The following CCDC141 variants were observed in gnomAD, a reference collection of about 807,000 sequenced individuals.
CCDC141 encodes the protein coiled-coil domain containing 141, also known as coiled-coil domain-containing protein 141.
In CCDC141, 168 loss-of-function variants were observed where a neutral mutation model predicts 181.0. That is an observed-to-expected ratio of 0.93 (90% CI 0.82 to 1.05). CCDC141 has a LOEUF of 1.05. Ranked by LOEUF, CCDC141 falls within the 50% of genes least tolerant of loss-of-function variation. The probability of loss-of-function intolerance (pLI) is 0.00; values close to 1 mark genes in which losing one functional copy is unlikely to be tolerated. For synonymous variants in CCDC141, 666 were observed against 642.3 expected (o/e 1.04, Z -0.56); for missense variants, 1,902 against 1,788.5 (o/e 1.06, Z -1.14).
the CCDC141 span, among the ~76,000 whole-genome samples, chr2:178,815,500 A>G: frequency 6.6e-6 from 1 of 152,308 alleles, no homozygotes; most frequent in Non-Finnish European, 1.5e-5. Flanking sequence ...ATCATCTGTA[A>G]TGTGAATCTT....
intron 2 of CCDC141, among the ~76,000 whole-genome samples, chr2:179,020,621 G>A (rs2042668148): frequency 6.6e-6 from 1 of 152,122 alleles, no homozygotes; most frequent in Non-Finnish European, 1.5e-5. Context: ...ATAAACCTGA[G>A]CAAGTCCCTT....
At chr2:178,924,924 T>C (rs535109288) in intron 6 of CCDC141, among the ~76,000 whole-genome samples, 1 of 152,354 alleles carries the variant, frequency 6.6e-6, no homozygotes, top group East Asian at 1.9e-4. Flanking sequence ...TATTCCAAGC[T>C]TGTTAAGTAG....
intron 5 of CCDC141, among the ~76,000 whole-genome samples, chr2:178,952,565 T>C (rs1407930083): frequency 6.6e-6 from 1 of 152,198 alleles, no homozygotes; most frequent in East Asian, 1.9e-4. Context: ...TGCAGTGCCA[T>C]TGGAAGCAAT....
chr2:178,876,234 G>C (rs534966706), intron 12 of CCDC141: 1 of 152,210 alleles, frequency 6.6e-6, no homozygotes. Context: ...TCACATCCCA[G>C]GTACAGAGAA....
chr2:178,858,058 T>C (rs1023301779), intron 17 of CCDC141, among the ~76,000 whole-genome samples: 2 of 152,222 alleles, frequency 1.3e-5, no homozygotes, highest in South Asian at 2.1e-4. Flanking sequence ...TTAATCAGTG[T>C]TGTTTAGTTT....
chr2:178,918,582 C>G (rs1688552615), intron 7 of CCDC141, 131 bp downstream of exon 7: 1 of 641,778 alleles, frequency 1.6e-6, no homozygotes, highest in African/African-American at 1.8e-5. Context: ...TAAAAGCTCT[C>G]TTTGCTGCTA....
At chr2:178,951,070 G>A (rs577990656) in intron 5 of CCDC141, among the ~76,000 whole-genome samples, 205 of 152,166 alleles carry the variant, frequency 1.3e-3, no homozygotes, top group Non-Finnish European at 2.2e-3. Flanking sequence ...GATGTCTCTG[G>A]ACCTAAATTT....
At chr2:178,965,200 G>C (rs1333351174) in intron 4 of CCDC141, among the ~76,000 whole-genome samples, 1 of 152,144 alleles carries the variant, frequency 6.6e-6, no homozygotes. Flanking sequence ...GTTCCCCAGT[G>C]GGATGGTTTC....
At chr2:178,994,168 T>G (rs929076273) in intron 2 of CCDC141, among the ~76,000 whole-genome samples, 1 of 152,226 alleles carries the variant, frequency 6.6e-6, no homozygotes, top group African/African-American at 2.4e-5. Flanking sequence ...GTATTCTGTT[T>G]GTGGGCTCCA....
intron 3 of CCDC141, 119 bp downstream of exon 3, chr2:178,978,365 G>T: frequency 1.8e-6 from 1 of 555,616 alleles, no homozygotes; most frequent in Non-Finnish European, 2.8e-6. Context: ...TGTATGTTTT[G>T]GTTATTCTGC....
In CCDC141 at chr2:179,047,265, T is replaced by G; in HGVS notation, c.225+19A>C. On this transcript the variant is annotated intron_variant, in intron 2 of 23. Coordinates refer to ENST00000443758, the MANE Select transcript of CCDC141 (RefSeq NM_173648.4). The stretch of plus-strand genomic sequence containing the variant: ...ATGTCTCTTTAATTTTGTTTCTGCT[T>G]CACATCTTAGTATCTTACCTTGAGC... The G allele has an allele frequency of 1.3e-6, 2 of 1,503,968 alleles. No individual in the cohort carries two copies. Among genetic ancestry groups the G allele is most frequent in the Non-Finnish European group, 1.8e-6 (2 of 1,132,590 alleles). 93.2% of individuals were successfully genotyped at this position (1,503,968 alleles called of 1,614,324 possible). A position where few individuals can be genotyped will look rare whatever the true frequency, so the allele number is the denominator to read the frequency against.
intron 5 of CCDC141, among the ~76,000 whole-genome samples, chr2:178,945,021 C>T (rs547672051): frequency 7.1e-4 from 108 of 152,138 alleles, no homozygotes; most frequent in African/African-American, 2.4e-3. Flanking sequence ...AGTATAGTTA[C>T]GTAAACCCAT....
At position 178,871,678 on chromosome 2, in the gene CCDC141, C is replaced by T. The variant is rs1575153801; in HGVS notation, c.2080-126G>A. On this transcript the variant is annotated intron_variant, in intron 13 of 23. Transcript: ENST00000443758. ...CCCCATGAAAACACTCAGGATGTGG[C>T]ATGAGCTCAGGGTTCTAAACCACCA... The T allele has an allele frequency of 2.7e-6, 3 of 1,098,234 alleles. No individual in the cohort carries two copies. The East Asian group carries it at 7.3e-5, about 27-fold the overall frequency. The allele number at this position is 1,098,234 out of a possible 1,614,324, so 68.0% of individuals were successfully genotyped here.
At chr2:178,978,775 T>C (rs1691236571) in intron 2 of CCDC141, 100 bp from the exon 3 acceptor site, 1 of 889,980 alleles carries the variant, frequency 1.1e-6, no homozygotes, top group Admixed American at 3.6e-5. Context: ...GCATGTGGTC[T>C]AGGAAACAGA....
chr2:178,840,465 T>C (rs1408801348), intron 22 of CCDC141, among the ~76,000 whole-genome samples: 1 of 152,202 alleles, frequency 6.6e-6, no homozygotes, highest in African/African-American at 2.4e-5. Flanking sequence ...TCCCAACTCC[T>C]CAATCCCTGC....
intron 7 of CCDC141, among the ~76,000 whole-genome samples, chr2:178,914,997 A>G (rs1688378318): frequency 1.3e-5 from 2 of 152,238 alleles, no homozygotes; most frequent in African/African-American, 4.8e-5. Flanking sequence ...AGCCTGAGCA[A>G]CATGGCAAAA....
intron 14 of CCDC141, among the ~76,000 whole-genome samples, chr2:178,870,231 C>CAAAAAAAAAAAAAAAAAAAAAAAAAAAA (rs34625707): frequency 2.5e-4 from 15 of 60,288 alleles, no homozygotes; most frequent in Admixed American, 7.9e-4. Flanking sequence ...GACTCTGTCT[C>CAAAAAAAAAAAAAAAAAAAAAAAAAAAA]AAAAAAAAAA....
rs1404201609 is a variant in CCDC141, at chr2:178,837,243, CA to C, written c.3975del (p.Ser1325ArgfsTer19). Reference sequence around the variant, plus strand: ...TGCTGTAAAGCTCTCTCATGCACTTCACTCATCATGCTCTCTGGATGTTCAG... The same window carrying C: ...TGCTGTAAAGCTCTCTCATGCACTTCCTCATCATGCTCTCTGGATGTTCAG... ...ISAEHPESMM[S>X]EVHERALQQH... On this transcript the variant is annotated frameshift_variant, in exon 23 of 24. Coordinates refer to ENST00000443758, the MANE Select transcript of CCDC141 (RefSeq NM_173648.4). LOFTEE classifies it high-confidence loss of function. The C allele has an allele frequency of 2.5e-6, 4 of 1,614,094 alleles. No individual in the cohort carries two copies. Among genetic ancestry groups the C allele is most frequent in the Non-Finnish European group, 3.4e-6 (4 of 1,179,988 alleles).
rs756071545 is a variant in CCDC141 at position 178,855,432 on chromosome 2, T to A, written c.2975A>T (p.Lys992Ile). 1.2e-6 allele frequency: 2 copies of A among 1,612,132 alleles called. No homozygotes were observed. The highest frequency in any genetic ancestry group is 8.5e-7 in the Non-Finnish European group (1 of 1,179,294). The change falls in exon 19 of 24, where the codon AAA (lysine) becomes ATA (isoleucine). Residue 992 changes from lysine (K) to isoleucine (I), a missense_variant. Coordinates refer to ENST00000443758, the MANE Select transcript of CCDC141 (RefSeq NM_173648.4). Reference sequence around the variant, plus strand: ...AACTTTGTCAAAGTCATCCACATGTTTTTGCAAATCCTTCATGACTTCCAA... The same window carrying A: ...AACTTTGTCAAAGTCATCCACATGTATTTGCAAATCCTTCATGACTTCCAA... Reference protein sequence around the residue: ...VLLEVMKDLQKHVDDFDKVVT... With the variant: ...VLLEVMKDLQIHVDDFDKVVT...
Sources: gnomAD v4.1 joint callset for allele counts (sites outside exome capture counted in the v4.1 genomes callset) on GRCh38, gnomAD v4.1.1 for gene constraint, MANE v1.5 for transcripts, NCBI Gene and HGNC (gene_info 2026-07-23, HGNC 2026-07-21) for gene names.